LRRC7: variants seen among roughly 807,000 people sequenced by gnomAD.
The protein encoded by LRRC7 is leucine-rich repeat-containing protein 7.
Under a neutral mutation model 175.7 loss-of-function variants are expected in LRRC7, and 23 were observed. That is an observed-to-expected ratio of 0.13 (90% CI 0.09 to 0.19). The LOEUF (loss-of-function observed/expected upper bound fraction) is 0.19. Ranked by LOEUF, LRRC7 falls within the 10% of genes least tolerant of loss-of-function variation. The pLI, the probability that LRRC7 is intolerant of heterozygous loss-of-function variation, is 1.00. For missense variants in LRRC7, 1,354 were observed against 1,904.7 expected (o/e 0.71, Z 5.38); for synonymous variants, 685 against 680.9 (o/e 1.01, Z -0.09).
intron 1 of LRRC7, among the ~76,000 whole-genome samples, chr1:69,624,551 C>T (rs981512842): frequency 6.6e-6 from 1 of 151,762 alleles, no homozygotes; most frequent in African/African-American, 2.4e-5. Context: ...GTGGGGTAGG[C>T]TTTTTGTATC....
chr1:69,917,616 G>A (rs1436775864), intron 7 of LRRC7, among the ~76,000 whole-genome samples: 1 of 152,106 alleles, frequency 6.6e-6, no homozygotes, highest in Admixed American at 6.5e-5. Flanking sequence ...TACTTTGGAT[G>A]CTGCTAAACA....
At chr1:69,823,517 G>A (rs552505358) in intron 4 of LRRC7, among the ~76,000 whole-genome samples, 303 of 151,292 alleles carry the variant, frequency 2.0e-3, no homozygotes, top group Non-Finnish European at 2.6e-3. Context: ...TCAAAGAACA[G>A]CAGCTTTAAA....
intron 4 of LRRC7, among the ~76,000 whole-genome samples, chr1:69,803,801 T>C (rs1411795336): frequency 6.6e-6 from 1 of 151,304 alleles, no homozygotes; most frequent in Non-Finnish European, 1.5e-5. Context: ...TATTTTCACG[T>C]ATTATCCACA....
intron 4 of LRRC7, among the ~76,000 whole-genome samples, chr1:69,809,839 G>GCAT (rs201745567): frequency 0.044 from 6,711 of 152,222 alleles, 208 homozygotes; most frequent in Middle Eastern, 0.085. Flanking sequence ...AAAACTGGAA[G>GCAT]CATTCCCTTT....
At position 70,053,080 on chromosome 1, in the gene LRRC7, A is replaced by G. The variant is rs1199938627; in HGVS notation, c.4165A>G (p.Ser1389Gly). 6.2e-7 allele frequency: 1 copy of G among 1,611,910 alleles called. No individual in the cohort carries two copies. Among genetic ancestry groups the G allele is most frequent in the Non-Finnish European group, 8.5e-7 (1 of 1,178,830 alleles). ...CAATGGACAAGAAGATGTATCTCCT[A>G]GTGGCCAATGGAATCCTTATCCACT... ...LDNGQEDVSP[S>G]GQWNPYPLGR... Residue 1389 changes from serine (S) to glycine (G), a missense_variant, in exon 23 of 27, where the codon AGT (serine) becomes GGT (glycine). By Grantham distance (56) the Ser-to-Gly change is moderately conservative. Transcript: ENST00000651989.
At chr1:69,965,834 C>A (rs551947706) in intron 8 of LRRC7, among the ~76,000 whole-genome samples, 1 of 152,078 alleles carries the variant, frequency 6.6e-6, no homozygotes, top group South Asian at 2.1e-4. Context: ...AAAAGGTGAA[C>A]AATATTAGTC....
intron 11 of LRRC7, among the ~76,000 whole-genome samples, chr1:70,007,635 AC>A (rs549439652): frequency 1.6e-3 from 246 of 152,358 alleles, no homozygotes; most frequent in Non-Finnish European, 2.8e-3. Context: ...TTTTCATGAT[AC>A]GTTGTTAAAC....
At chr1:69,959,247 G>A (rs1192573091) in intron 8 of LRRC7, among the ~76,000 whole-genome samples, 1 of 152,098 alleles carries the variant, frequency 6.6e-6, no homozygotes, top group Non-Finnish European at 1.5e-5. Flanking sequence ...TTCAACTAGG[G>A]AAATGTAACA....
rs570145155 is a variant in LRRC7 at position 70,093,021 on chromosome 1, C to T, written c.4545+3202C>T. Among the ~76,000 whole-genome samples the T allele has an allele frequency of 2.3e-4, 35 of 152,214 alleles. No individual in the cohort carries two copies. The South Asian group carries it at 6.2e-3, about 27-fold the overall frequency. ...TAGTAGTGAAAAACACCAGTTCATTCACCATAGAACTCATTATTTCAGTGT... is the reference window on the plus strand; with the variant it reads ...TAGTAGTGAAAAACACCAGTTCATTTACCATAGAACTCATTATTTCAGTGT... On this transcript the variant is annotated intron_variant, in intron 25 of 26. Transcript: ENST00000651989.
At position 69,944,412 on chromosome 1, in the gene LRRC7, A is replaced by G. The variant is rs944707812; in HGVS notation, c.711+12842A>G. 8.5e-5 allele frequency among the ~76,000 whole-genome samples: 13 copies of G among 152,228 alleles called. No homozygotes were observed. The South Asian group carries it at 1.0e-3, about 12-fold the overall frequency. ...TAAGACATTTATTTATTCATCCATCAGTGGACATTTGGGTCACTTATACAT... is the reference window on the plus strand; with the variant it reads ...TAAGACATTTATTTATTCATCCATCGGTGGACATTTGGGTCACTTATACAT... On this transcript the variant is annotated intron_variant, in intron 8 of 26. Coordinates refer to ENST00000651989, the MANE Select transcript of LRRC7 (RefSeq NM_001370785.2).
chr1:69,996,831 G>A (rs1447447637), intron 11 of LRRC7, among the ~76,000 whole-genome samples: 10 of 151,684 alleles, frequency 6.6e-5, no homozygotes, highest in Non-Finnish European at 8.9e-5. Flanking sequence ...GTCAGGTAGT[G>A]TGATGCCTCC....
intron 8 of LRRC7, among the ~76,000 whole-genome samples, chr1:69,960,556 T>C (rs1255395146): frequency 1.3e-5 from 2 of 152,088 alleles, no homozygotes; most frequent in Non-Finnish European, 2.9e-5. Context: ...TCTAGTTCTT[T>C]TAGTTCTGAT....
intron 15 of LRRC7, among the ~76,000 whole-genome samples, chr1:70,020,487 GT>G (rs1347271558): frequency 6.6e-6 from 1 of 151,990 alleles, no homozygotes; most frequent in Non-Finnish European, 1.5e-5. Context: ...CAAAGTCAAT[GT>G]TATGTGGTAA....
At chr1:69,785,089 C>G (rs996970622) in intron 3 of LRRC7, among the ~76,000 whole-genome samples, 1 of 151,918 alleles carries the variant, frequency 6.6e-6, no homozygotes. Flanking sequence ...GCCATTAGTT[C>G]TTCTATAGCT....
At chr1:69,708,133 T>A (rs956657562) in intron 2 of LRRC7, among the ~76,000 whole-genome samples, 3 of 152,160 alleles carry the variant, frequency 2.0e-5, no homozygotes, top group Admixed American at 2.0e-4. Flanking sequence ...CTGATGTCCA[T>A]CAGCACCCTT....
intron 25 of LRRC7, among the ~76,000 whole-genome samples, chr1:70,099,999 A>T (rs1664699834): frequency 6.6e-6 from 1 of 152,202 alleles, no homozygotes; most frequent in Non-Finnish European, 1.5e-5. Flanking sequence ...CTTTTAAAAG[A>T]ACATATGACA....
intron 7 of LRRC7, among the ~76,000 whole-genome samples, chr1:69,865,282 T>C (rs945597429): frequency 7.2e-5 from 11 of 151,968 alleles, no homozygotes. Flanking sequence ...AGTATTCGTT[T>C]AAAATGTACT....
chr1:69,786,975 C>T (rs187359324), intron 3 of LRRC7, among the ~76,000 whole-genome samples: 1 of 152,344 alleles, frequency 6.6e-6, no homozygotes, highest in East Asian at 1.9e-4. Flanking sequence ...AGACAAGTCC[C>T]TTCCACCTAT....
intron 7 of LRRC7, among the ~76,000 whole-genome samples, chr1:69,848,647 G>A (rs1202765352): frequency 6.6e-6 from 1 of 151,800 alleles, no homozygotes; most frequent in Non-Finnish European, 1.5e-5. Flanking sequence ...CTTTCTTCAG[G>A]TCTCCTCTCT....
Sources: allele counts gnomAD v4.1 joint callset (sites outside exome capture counted in the v4.1 genomes callset), GRCh38; gene constraint gnomAD v4.1.1; transcripts MANE v1.5; gene names NCBI Gene and HGNC (gene_info 2026-07-23, HGNC 2026-07-21).